COP1: variants seen among roughly 807,000 people sequenced by gnomAD.
COP1 encodes COP1 E3 ubiquitin ligase.
Under a neutral mutation model 101.3 loss-of-function variants are expected in COP1, and 24 were observed. That is an observed-to-expected ratio of 0.24 (90% confidence interval 0.17 to 0.33). The LOEUF (loss-of-function observed/expected upper bound fraction) is 0.33, where lower values mean the gene tolerates loss of function less well. Ranked by LOEUF, COP1 falls within the 10% of genes least tolerant of loss-of-function variation. The probability of loss-of-function intolerance (pLI) is 1.00; values close to 1 mark genes in which losing one functional copy is unlikely to be tolerated. For synonymous variants in COP1, 347 were observed against 341.9 expected, an observed-to-expected ratio of 1.01 and a Z score of -0.17; for missense variants, 663 against 906.2, an observed-to-expected ratio of 0.73 and a Z score of 3.45.
chr1:175,994,398 T>G (rs902162407), intron 15 of COP1, among the ~76,000 whole-genome samples: 7 of 152,134 alleles, frequency 4.6e-5, no homozygotes, highest in Admixed American at 3.3e-4. Flanking sequence ...ATAACAATAT[T>G]AACTTTAAAG....
At chr1:176,030,767 A>G (rs1179866432) in intron 14 of COP1, among the ~76,000 whole-genome samples, 1 of 152,216 alleles carries the variant, frequency 6.6e-6, no homozygotes, top group Non-Finnish European at 1.5e-5. Context: ...ATTAAACAAA[A>G]CAGGTGTTAA....
chr1:176,095,109 T>C lies in COP1; in HGVS notation c.1027-9219A>G, dbSNP rs543019496. Among the ~76,000 whole-genome samples the C allele has an allele frequency of 1.2e-4, 18 of 152,272 alleles. No homozygotes were observed. In the South Asian group the frequency reaches 3.7e-3, roughly 32 times the overall value. The stretch of plus-strand genomic sequence containing the variant: ...ATACTTTTTTCTCAAACTAATTTCA[T>C]AAATTAACACTGCATGGAAAACTAT... On this transcript the variant is annotated intron_variant, in intron 9 of 19. Transcript: ENST00000367669.
intron 15 of COP1, among the ~76,000 whole-genome samples, chr1:175,998,923 C>A (rs1018833418): frequency 6.6e-6 from 1 of 152,016 alleles, no homozygotes; most frequent in Non-Finnish European, 1.5e-5. Context: ...TTACATGGCA[C>A]ACTCAATTCC....
At chr1:175,984,003 A>G (rs1350054069) in intron 18 of COP1, among the ~76,000 whole-genome samples, 4 of 152,202 alleles carry the variant, frequency 2.6e-5, no homozygotes, top group Non-Finnish European at 5.9e-5. Flanking sequence ...CAAAGTTCAA[A>G]AAATTTGCAG....
At chr1:176,151,938 G>A (rs1308061830) in intron 5 of COP1, among the ~76,000 whole-genome samples, 1 of 150,160 alleles carries the variant, frequency 6.7e-6, no homozygotes, top group Non-Finnish European at 1.5e-5. Context: ...TAGAACAACT[G>A]CCATTTTGAG....
chr1:176,200,512 C>G (rs1192776271), intron 1 of COP1, among the ~76,000 whole-genome samples: 1 of 152,042 alleles, frequency 6.6e-6, no homozygotes, highest in African/African-American at 2.4e-5. Flanking sequence ...AAAAATGTAC[C>G]ACCCCAAACC....
intron 18 of COP1, among the ~76,000 whole-genome samples, chr1:175,983,619 C>G (rs967841657): frequency 2.0e-5 from 3 of 152,262 alleles, no homozygotes; most frequent in African/African-American, 7.2e-5. Flanking sequence ...GACTTTGGAA[C>G]TGGTTAACAG....
At chr1:176,063,047 G>GTTTTTTTTTT (rs34464104) in intron 11 of COP1, among the ~76,000 whole-genome samples, 11 of 90,606 alleles carry the variant, frequency 1.2e-4, no homozygotes, top group Non-Finnish European at 1.8e-4. Flanking sequence ...TTTTGAAAAT[G>GTTTTTTTTTT]TTTTTTTTTT....
At position 176,002,110 on chromosome 1, in the gene COP1, T is replaced by A. The variant is rs186633077; in HGVS notation, c.1730-12631A>T. Among the ~76,000 whole-genome samples, 466 of 152,172 alleles carry A rather than the reference T, an allele frequency of 3.1e-3. 2 individuals carry two copies. Among genetic ancestry groups the A allele is most frequent in the Non-Finnish European group, 5.1e-3 (346 of 68,008 alleles). ...CTTGGGGTTTATTGAGCTTTTTGGATGTGTGGATTGATGTTTTCCATCCAA... is the reference window on the plus strand; with the variant it reads ...CTTGGGGTTTATTGAGCTTTTTGGAAGTGTGGATTGATGTTTTCCATCCAA... On this transcript the variant is annotated intron_variant, in intron 15 of 19. Coordinates refer to ENST00000367669, the MANE Select transcript of COP1 (RefSeq NM_022457.7).
rs142237260 is a variant in COP1 at position 176,186,779 on chromosome 1, C to T, written c.408-2087G>A. Among the ~76,000 whole-genome samples, 36 of 152,084 alleles carry T rather than the reference C, an allele frequency of 2.4e-4. No homozygotes were observed. In the East Asian group the frequency reaches 5.4e-3, roughly 23 times the overall value. ...AATCCAGTGAGAAACAGTGTTGAAA[C>T]GGACTAGGGTGGTAGTAGTTGGGTT... On this transcript the variant is annotated intron_variant, in intron 1 of 19. Coordinates refer to ENST00000367669, the MANE Select transcript of COP1 (RefSeq NM_022457.7).
chr1:176,192,645 G>A (rs1265588352), intron 1 of COP1, among the ~76,000 whole-genome samples: 1 of 152,028 alleles, frequency 6.6e-6, no homozygotes, highest in African/African-American at 2.4e-5. Flanking sequence ...CCCAATCACA[G>A]GCCAATCAAC....
At chr1:176,029,372 GAA>G (rs1668283299) in intron 14 of COP1, among the ~76,000 whole-genome samples, 1 of 152,154 alleles carries the variant, frequency 6.6e-6, no homozygotes, top group East Asian at 1.9e-4. Flanking sequence ...GGTCTGATTT[GAA>G]AGCAGAAGCA....
chr1:176,186,016 AAATATATAC>A (rs907741218), intron 1 of COP1, among the ~76,000 whole-genome samples: 2 of 152,174 alleles, frequency 1.3e-5, no homozygotes, highest in African/African-American at 4.8e-5. Flanking sequence ...CACAATGTGA[AAATATATAC>A]AATATATACA....
At chr1:176,088,508 T>G (rs1361578119) in intron 9 of COP1, among the ~76,000 whole-genome samples, 1 of 152,188 alleles carries the variant, frequency 6.6e-6, no homozygotes, top group Non-Finnish European at 1.5e-5. Flanking sequence ...ATGTATGTGT[T>G]TGTCAAATCT....
chr1:176,054,160 TC>T (rs981234398), intron 11 of COP1, among the ~76,000 whole-genome samples: 4 of 90,082 alleles, frequency 4.4e-5, no homozygotes, highest in Non-Finnish European at 9.5e-5. Flanking sequence ...AGCAAATTAT[TC>T]TTTTTTTTTT....
chr1:175,989,867 G>A (rs1185914559), intron 15 of COP1, among the ~76,000 whole-genome samples: 3 of 151,936 alleles, frequency 2.0e-5, no homozygotes, highest in African/African-American at 7.3e-5. Flanking sequence ...GCAATTCAAC[G>A]ATCTTTACTA....
At chr1:176,083,923 T>TA (rs1221941328) in intron 10 of COP1, among the ~76,000 whole-genome samples, 2 of 152,162 alleles carry the variant, frequency 1.3e-5, no homozygotes, top group African/African-American at 4.8e-5. Flanking sequence ...CCCATACAAA[T>TA]AAAAATCTAT....
At chr1:176,047,350 A>G (rs1671699367) in intron 11 of COP1, among the ~76,000 whole-genome samples, 2 of 152,182 alleles carry the variant, frequency 1.3e-5, no homozygotes, top group South Asian at 4.1e-4. Context: ...TATTATCTAC[A>G]TTTTACAGAT....
At chr1:176,038,105 T>C (rs1159958155) in intron 14 of COP1, among the ~76,000 whole-genome samples, 16 of 152,244 alleles carry the variant, frequency 1.1e-4, no homozygotes, top group Admixed American at 1.0e-3. Context: ...GCACAATGTT[T>C]ATATTTTAAA....
Sources: gnomAD v4.1 joint callset for allele counts (sites outside exome capture counted in the v4.1 genomes callset) on GRCh38, gnomAD v4.1.1 for gene constraint, MANE v1.5 for transcripts, NCBI Gene and HGNC (gene_info 2026-07-23, HGNC 2026-07-21) for gene names.